The following NEURL1B variants were observed in gnomAD, a reference collection of about 807,000 sequenced individuals.
NEURL1B encodes the protein E3 ubiquitin-protein ligase NEURL1B.
Under a neutral mutation model 37.4 loss-of-function variants are expected in NEURL1B, and 13 were observed. That is an observed-to-expected ratio of 0.35 (90% confidence interval 0.23 to 0.55). NEURL1B has a LOEUF of 0.55. NEURL1B is among the 20% of genes least tolerant of loss of function. The pLI, the probability that NEURL1B is intolerant of heterozygous loss-of-function variation, is 0.89. For missense variants in NEURL1B, 790 were observed against 879.2 expected (o/e 0.90, Z 1.28); for synonymous variants, 432 against 426.6 (o/e 1.01, Z -0.16).
At chr5:172,668,549 A>AC (rs982948152) in intron 1 of NEURL1B, among the ~76,000 whole-genome samples, 11 of 148,890 alleles carry the variant, frequency 7.4e-5, no homozygotes, top group African/African-American at 2.2e-4. Context: ...GATTCATCAA[A>AC]CCCCCCCACT....
intron 1 of NEURL1B, among the ~76,000 whole-genome samples, chr5:172,656,076 G>T (rs1269059635): frequency 2.0e-5 from 3 of 152,210 alleles, no homozygotes; most frequent in Non-Finnish European, 2.9e-5. Flanking sequence ...GGCCCCTGCT[G>T]CTGTGTCGTT....
At chr5:172,654,011 A>G (rs1757717321) in intron 1 of NEURL1B, among the ~76,000 whole-genome samples, 1 of 152,160 alleles carries the variant, frequency 6.6e-6, no homozygotes, top group African/African-American at 2.4e-5. Flanking sequence ...TCCCCTAAAG[A>G]TGATAACCAT....
At chr5:172,651,703 G>T (rs1022660897) in intron 1 of NEURL1B, among the ~76,000 whole-genome samples, 94 of 152,298 alleles carry the variant, frequency 6.2e-4, no homozygotes, top group African/African-American at 2.0e-3. Flanking sequence ...AATCGCTGTT[G>T]GTTGTAATAG....
intron 1 of NEURL1B, chr5:172,656,465 G>A (rs1164174352): frequency 3.4e-6 from 5 of 1,469,246 alleles, no homozygotes; most frequent in Non-Finnish European, 4.7e-6. Context: ...GAATAGAGAG[G>A]TTTAAATACA....
At position 172,655,150 on chromosome 5, in the gene NEURL1B, G is replaced by C. The variant is rs10045821; in HGVS notation, c.31+13713G>C. ...CTCTTTCTTCCCCCAAGAAGAAAGT[G>C]GGGGGGTTGTGTGAGGTTCAACCCT... On this transcript the variant is annotated intron_variant, in intron 1 of 4. Coordinates refer to ENST00000369800, the MANE Select transcript of NEURL1B (RefSeq NM_001142651.3). 6.1e-3 allele frequency among the ~76,000 whole-genome samples: 918 copies of C among 151,284 alleles called. 9 individuals carry two copies. The highest frequency in any genetic ancestry group is 0.02 in the African/African-American group (835 of 41,450).
At chr5:172,684,280 C>T (rs1758438045) in intron 3 of NEURL1B, 142 bp downstream of exon 3, 6 of 698,950 alleles carry the variant, frequency 8.6e-6, no homozygotes, top group Non-Finnish European at 9.7e-6. Context: ...CAACTTTAAG[C>T]GCCCGGGCAC....
chr5:172,673,781 C>T (rs1277089323), intron 2 of NEURL1B, among the ~76,000 whole-genome samples: 22 of 138,430 alleles, frequency 1.6e-4, no homozygotes, highest in African/African-American at 6.1e-4. Flanking sequence ...TTAGTACAAG[C>T]GTATCCCATG....
chr5:172,664,497 C>T (rs891130802), intron 1 of NEURL1B, among the ~76,000 whole-genome samples: 9 of 140,060 alleles, frequency 6.4e-5, no homozygotes, highest in African/African-American at 1.8e-4. Context: ...GTGGGGGGGA[C>T]GGGTAGATTT....
intron 1 of NEURL1B, among the ~76,000 whole-genome samples, chr5:172,659,407 G>C (rs1292091111): frequency 6.6e-6 from 1 of 152,184 alleles, no homozygotes; most frequent in African/African-American, 2.4e-5. Flanking sequence ...GAAACGGTAG[G>C]CCTGGCAACC....
intron 1 of NEURL1B, among the ~76,000 whole-genome samples, chr5:172,660,919 C>T (rs1443561979): frequency 6.6e-6 from 1 of 152,174 alleles, no homozygotes; most frequent in Non-Finnish European, 1.5e-5. Context: ...GCGTGAGCCA[C>T]CGTGCCCAGC....
In NEURL1B at chr5:172,683,932, A is replaced by G; in HGVS notation, c.1091A>G (p.Asp364Gly). 1 of 1,405,026 alleles carries G rather than the reference A, an allele frequency of 7.1e-7. No homozygotes were observed. Among genetic ancestry groups the G allele is most frequent in the South Asian group, 1.4e-5 (1 of 72,096 alleles). 87.0% of individuals were successfully genotyped at this position (1,405,026 alleles called of 1,614,324 possible). A position where few individuals can be genotyped will look rare whatever the true frequency, so the allele number is the denominator to read the frequency against. Reference protein sequence around the residue: ...ELPADPDALLDRKEYWVVARA... With the variant: ...ELPADPDALLGRKEYWVVARA... ...CCCGCCGACCCAGACGCGCTGCTCGACCGCAAAGAGTACTGGGTGGTGGCG... is the reference window on the plus strand; with the variant it reads ...CCCGCCGACCCAGACGCGCTGCTCGGCCGCAAAGAGTACTGGGTGGTGGCG... The change falls in exon 3 of 5, where the codon GAC (aspartate) becomes GGC (glycine). Residue 364 changes from aspartate to glycine, a missense_variant. Around this residue, in one of 3 missense-constraint regions of NEURL1B, gnomAD observed 460 missense variants for 407.4 expected, o/e 1.13. Transcript: ENST00000369800. The surrounding 1 kb of genome is among the most constrained non-coding windows in gnomAD (Gnocchi z 5.6).
intron 1 of NEURL1B, among the ~76,000 whole-genome samples, chr5:172,663,388 G>A (rs1757939621): frequency 6.6e-6 from 1 of 152,006 alleles, no homozygotes; most frequent in Admixed American, 6.6e-5. Flanking sequence ...AGGTGTGGTG[G>A]CGGGCGCCTG....
rs1002044470 is a variant in NEURL1B at position 172,647,390 on chromosome 5, G to A, written c.31+5953G>A. Among the ~76,000 whole-genome samples, 4 of 152,124 alleles carry A rather than the reference G, an allele frequency of 2.6e-5. No homozygotes were observed. Among genetic ancestry groups the A allele is most frequent in the African/African-American group, 7.2e-5 (3 of 41,410 alleles). ...ATTGAAGCCGTCATGAGAGCCTTGC[G>A]AGGCAGTCTTCTCATGTCACAGAAG... On this transcript the variant is annotated intron_variant, in intron 1 of 4. Coordinates refer to ENST00000369800, the MANE Select transcript of NEURL1B (RefSeq NM_001142651.3). The surrounding 1 kb of genome is among the most constrained non-coding windows in gnomAD (Gnocchi z 4.2).
chr5:172,668,282 T>TCA (rs1306280760), intron 1 of NEURL1B, among the ~76,000 whole-genome samples: 1 of 152,184 alleles, frequency 6.6e-6, no homozygotes, highest in Admixed American at 6.5e-5. Context: ...TTCATATGTG[T>TCA]TAAGTAAAAG....
rs1389764949 is a variant in NEURL1B, at chr5:172,689,962, TA to T, written c.*3038del. On this transcript the variant is annotated 3_prime_UTR_variant, in exon 5 of 5. Transcript: ENST00000369800. ...CTTGTTATTCAGGGGTGTCCACAGT[TA>T]GGAAGGGACCTGGGGCCTTGTCCCA... 6.6e-6 allele frequency: 1 copy of T among 152,218 alleles called. No homozygotes were observed. Among genetic ancestry groups the T allele is most frequent in the Non-Finnish European group, 1.5e-5 (1 of 68,064 alleles). 9.4% of individuals were successfully genotyped at this position (152,218 alleles called of 1,614,324 possible). A position where few individuals can be genotyped will look rare whatever the true frequency, so the allele number is the denominator to read the frequency against.
intron 1 of NEURL1B, among the ~76,000 whole-genome samples, chr5:172,655,025 C>T (rs1229416284): frequency 6.6e-6 from 1 of 152,054 alleles, no homozygotes; most frequent in Non-Finnish European, 1.5e-5. Context: ...TCTCTCCTCT[C>T]TCTCTGCTGG....
chr5:172,673,032 A>G (rs891761227), intron 2 of NEURL1B, among the ~76,000 whole-genome samples: 1 of 152,154 alleles, frequency 6.6e-6, no homozygotes, highest in African/African-American at 2.4e-5. Context: ...ATGAATGTTT[A>G]TTTTCTTCCC....
rs1328431780 is a variant in NEURL1B at position 172,665,500 on chromosome 5, C to T, written c.32-4285C>T. 6.6e-6 allele frequency among the ~76,000 whole-genome samples: 1 copy of T among 152,230 alleles called. No homozygotes were observed. The highest frequency in any genetic ancestry group is 1.5e-5 in the Non-Finnish European group (1 of 68,030). On this transcript the variant is annotated intron_variant, in intron 1 of 4. Transcript: ENST00000369800. The surrounding 1 kb of genome is among the most constrained non-coding windows in gnomAD (Gnocchi z 4.1). ...ACAGGCAGTGCAGGTGTGGCCGTGG[C>T]CCTGCTTTGCCAAAAGCCCTGTAGC... is the stretch of plus-strand genomic sequence containing the variant.
chr5:172,649,446 T>G (rs1421506618), intron 1 of NEURL1B, among the ~76,000 whole-genome samples: 1 of 139,826 alleles, frequency 7.2e-6, no homozygotes, highest in Non-Finnish European at 1.5e-5. Flanking sequence ...ACTGCAACCT[T>G]TGCCTCCCGG....
Sources: allele counts gnomAD v4.1 joint callset (sites outside exome capture counted in the v4.1 genomes callset), GRCh38; gene constraint gnomAD v4.1.1; regional missense constraint gnomAD v4.1.1; non-coding constraint Gnocchi (gnomAD v3.1); transcripts MANE v1.5; gene names NCBI Gene and HGNC (gene_info 2026-07-23, HGNC 2026-07-21).